The following CAPN1 variants were observed in gnomAD, a reference collection of about 807,000 sequenced individuals.
CAPN1 encodes the protein calpain-1 catalytic subunit.
A neutral mutation model predicts 105.2 loss-of-function variants in CAPN1; 77 were observed. That is an observed-to-expected ratio of 0.73 (90% CI 0.61 to 0.88). The LOEUF (loss-of-function observed/expected upper bound fraction) is 0.88, where lower values mean the gene tolerates loss of function less well. Among genes scored for constraint, CAPN1 ranks in the 40% least tolerant of loss-of-function variants. CAPN1 has a pLI of 0.00. For missense variants in CAPN1, 833 were observed against 976.6 expected (o/e 0.85, Z 1.96); for synonymous variants, 355 against 388.8 (o/e 0.91, Z 1.02).
intron 10 of CAPN1, among the ~76,000 whole-genome samples, chr11:65,200,771 T>C (rs763957275): frequency 6.6e-6 from 1 of 151,350 alleles, no homozygotes; most frequent in African/African-American, 2.4e-5. Context: ...GGGACTATGA[T>C]AGAGACACAC....
intron 12 of CAPN1, 129 bp downstream of exon 12, chr11:65,205,850 C>G (rs2137385976): frequency 1.2e-6 from 1 of 836,652 alleles, no homozygotes; most frequent in East Asian, 2.4e-5. Context: ...TTGAAAAATG[C>G]TTCTCCCCAC....
intron 10 of CAPN1, among the ~76,000 whole-genome samples, chr11:65,195,763 G>C (rs1049772828): frequency 2.6e-5 from 4 of 152,152 alleles, no homozygotes; most frequent in Non-Finnish European, 5.9e-5. Flanking sequence ...GAGTTAGGAA[G>C]TGTCCCCTCA....
In CAPN1 at chr11:65,188,111, A is replaced by T. The variant is rs1169322558; in HGVS notation, c.929+71A>T. 5 of 1,099,418 alleles carry T rather than the reference A, an allele frequency of 4.5e-6. No homozygotes were observed. In the East Asian group the frequency reaches 1.0e-4, roughly 23 times the overall value. 68.1% of individuals were successfully genotyped at this position (1,099,418 alleles called of 1,614,324 possible). On this transcript the variant is annotated intron_variant, in intron 8 of 21. Coordinates refer to ENST00000279247, the MANE Select transcript of CAPN1 (RefSeq NM_005186.4). The surrounding 1 kb of genome is among the most constrained non-coding windows in gnomAD (Gnocchi z 5.5). ...AGGTGCCCCGACATTTCTGCTCGGG[A>T]CTCTACCAGGCCAGGCTGGACTCAG...
chr11:65,198,839 G>A (rs2137361291), intron 10 of CAPN1, among the ~76,000 whole-genome samples: 1 of 152,114 alleles, frequency 6.6e-6, no homozygotes, highest in East Asian at 1.9e-4. Context: ...TTTTTTGGGA[G>A]GGTTGGGGGG....
At chr11:65,192,519 A>G (rs1371465787) in intron 10 of CAPN1, among the ~76,000 whole-genome samples, 1 of 152,178 alleles carries the variant, frequency 6.6e-6, no homozygotes, top group African/African-American at 2.4e-5. Context: ...TTTTCTTTGT[A>G]TGAAGATTAA....
At chr11:65,181,678 TC>T (rs752786551), upstream of CAPN1, 195 of 272,530 alleles carry the variant, frequency 7.2e-4, 1 homozygote, top group Middle Eastern at 2.5e-3. This position sits in a 1 kb window ranked among gnomAD's most constrained non-coding sequence, Gnocchi z 4.6. Context: ...AGCCCCCCCA[TC>T]CCCCCCCGCG....
intron 10 of CAPN1, among the ~76,000 whole-genome samples, chr11:65,192,182 C>T (rs971859434): frequency 3.3e-5 from 5 of 152,080 alleles, no homozygotes; most frequent in African/African-American, 1.2e-4. Flanking sequence ...CTACAGTGAG[C>T]CATGTTTGCG....
intron 10 of CAPN1, 63 bp from the exon 11 acceptor site, chr11:65,204,620 C>G: frequency 6.8e-7 from 1 of 1,473,986 alleles, no homozygotes; most frequent in Non-Finnish European, 9.4e-7. Flanking sequence ...GCTGAGGAGG[C>G]TTGGGGGCCA....
chr11:65,187,375 C>T (rs1948649532), intron 7 of CAPN1, 77 bp downstream of exon 7: 1 of 989,432 alleles, frequency 1.0e-6, no homozygotes, highest in Non-Finnish European at 1.6e-6. Flanking sequence ...GGCACCTGAC[C>T]AGGGCTGTGG....
At chr11:65,200,320 C>T (rs540640048) in intron 10 of CAPN1, among the ~76,000 whole-genome samples, 2 of 151,728 alleles carry the variant, frequency 1.3e-5, no homozygotes, top group East Asian at 1.9e-4. Flanking sequence ...GGATTACAGG[C>T]GTGAGTCTGA....
At chr11:65,192,555 G>A (rs186981098) in intron 10 of CAPN1, among the ~76,000 whole-genome samples, 22 of 152,186 alleles carry the variant, frequency 1.4e-4, no homozygotes, top group Non-Finnish European at 2.6e-4. Context: ...AAAGTTAAAG[G>A]TTATAGAATT....
intron 10 of CAPN1, among the ~76,000 whole-genome samples, chr11:65,193,600 G>A (rs901540253): frequency 6.6e-5 from 9 of 136,230 alleles, no homozygotes; most frequent in Admixed American, 3.1e-4. Flanking sequence ...AGCCGAGGTC[G>A]CGCCACTGCA....
chr11:65,205,747 G>A (rs1478381684), intron 12 of CAPN1, 26 bp downstream of exon 12: 1 of 1,609,798 alleles, frequency 6.2e-7, no homozygotes, highest in South Asian at 1.1e-5. Flanking sequence ...TGACCCACCT[G>A]CAGTCACACA....
Position 65,188,440 on chromosome 11 carries a change from CATAT to C in CAPN1, c.957_960del (p.Tyr320AsnfsTer73). 6.2e-7 allele frequency: 1 copy of C among 1,612,878 alleles called. No individual in the cohort carries two copies. Among genetic ancestry groups the C allele is most frequent in the Non-Finnish European group, 8.5e-7 (1 of 1,179,468 alleles). Reference sequence around the variant, plus strand: ...TCCTCAGAGTGGAACAACGTGGACCCATATGAACGGGACCAGCTCCGGGTCAAGA... The same window carrying C: ...TCCTCAGAGTGGAACAACGTGGACCCGAACGGGACCAGCTCCGGGTCAAGA... On this transcript the variant is annotated frameshift_variant, in exon 9 of 22. Coordinates refer to ENST00000279247, the MANE Select transcript of CAPN1 (RefSeq NM_005186.4). LOFTEE classifies it high-confidence loss of function. The surrounding 1 kb of genome is among the most constrained non-coding windows in gnomAD (Gnocchi z 5.5).
At chr11:65,204,598 G>T in intron 10 of CAPN1, 85 bp from the exon 11 acceptor site, 1 of 1,196,750 alleles carries the variant, frequency 8.4e-7, no homozygotes, top group Admixed American at 1.9e-5. Context: ...ATGAATGCGT[G>T]CACAGGGACG....
Position 65,209,260 on chromosome 11 carries a change from C to G in CAPN1, c.1730-63C>G, listed in dbSNP as rs1949007611. On this transcript the variant is annotated intron_variant, in intron 16 of 21. Coordinates refer to ENST00000279247, the MANE Select transcript of CAPN1 (RefSeq NM_005186.4). The surrounding 1 kb of genome is among the most constrained non-coding windows in gnomAD (Gnocchi z 4.1). ...CCTTGACTCTGCCCCACCCAGTGCT[C>G]CCAGCAGGGGCAGGTGCAGGAAGCT... 1.4e-6 allele frequency: 2 copies of G among 1,383,672 alleles called. No individual in the cohort carries two copies. Among genetic ancestry groups the G allele is most frequent in the Admixed American group, 3.7e-5 (2 of 53,504 alleles). 85.7% of individuals were successfully genotyped at this position (1,383,672 alleles called of 1,614,324 possible).
At chr11:65,196,849 T>TC (rs1182198811) in intron 10 of CAPN1, among the ~76,000 whole-genome samples, 4 of 152,192 alleles carry the variant, frequency 2.6e-5, no homozygotes, top group African/African-American at 9.7e-5. Flanking sequence ...GTGCTATGGC[T>TC]CAGTGTATGA....
intron 11 of CAPN1, 140 bp downstream of exon 11, chr11:65,204,998 C>A: frequency 1.4e-6 from 1 of 695,140 alleles, no homozygotes; most frequent in Non-Finnish European, 2.4e-6. Flanking sequence ...CTCCCCCCAC[C>A]ATCCTGAGGG....
At position 65,206,813 on chromosome 11, in the gene CAPN1, C is replaced by T. The variant is rs771495649; in HGVS notation, c.1599C>T (p.Pro533=). 5.0e-5 allele frequency: 80 copies of T among 1,611,828 alleles called. No individual in the cohort carries two copies. Among genetic ancestry groups the T allele is most frequent in the African/African-American group, 8.0e-5 (6 of 74,852 alleles). ...ELDDQIQANL[P]DEQVLSEEEI... The stretch of plus-strand genomic sequence containing the variant: ...ATGACCAGATCCAGGCCAATCTCCC[C>T]GATGAGGTGCGTGGTCCCACCCCAC... Residue 533 remains proline, a synonymous_variant, in exon 14 of 22, where the codon CCC becomes CCT. Coordinates refer to ENST00000279247, the MANE Select transcript of CAPN1 (RefSeq NM_005186.4).
Sources: gnomAD v4.1 joint callset for allele counts (sites outside exome capture counted in the v4.1 genomes callset) on GRCh38, gnomAD v4.1.1 for gene constraint, Gnocchi (gnomAD v3.1) non-coding constraint, MANE v1.5 for transcripts, NCBI Gene and HGNC (gene_info 2026-07-23, HGNC 2026-07-21) for gene names.